Variants in RORA observed in about 807,000 individuals in gnomAD.
RORA encodes RAR related orphan receptor A, also known as nuclear receptor ROR-alpha.
In RORA, 7 loss-of-function variants were observed where a neutral mutation model predicts 69.5. The observed-to-expected ratio is 0.10, with a 90% CI of 0.06 to 0.19. RORA has a LOEUF of 0.19. Ranked by LOEUF, RORA falls within the 10% of genes least tolerant of loss-of-function variation. The pLI, the probability that RORA is intolerant of heterozygous loss-of-function variation, is 1.00. For synonymous variants in RORA, 261 were observed against 240.8 expected, an observed-to-expected ratio of 1.08 and a Z score of -0.78; for missense variants, 457 against 663.0, an observed-to-expected ratio of 0.69 and a Z score of 3.41.
At chr15:60,865,949 T>A (rs7179449) in intron 1 of RORA, among the ~76,000 whole-genome samples, 138,926 of 152,164 alleles carry the variant, frequency 0.91, 64,144 homozygotes, top group East Asian at 1. Context: ...ACTTATCTTC[T>A]TTTATTTATA....
At chr15:60,786,592 C>T (rs1436417408) in intron 1 of RORA, among the ~76,000 whole-genome samples, 1 of 152,192 alleles carries the variant, frequency 6.6e-6, no homozygotes, top group African/African-American at 2.4e-5. Flanking sequence ...CCAGGGTTGA[C>T]AGTGGATCAC....
intron 2 of RORA, among the ~76,000 whole-genome samples, chr15:60,624,513 GTATA>G (rs60245502): frequency 5.5e-5 from 6 of 110,040 alleles, no homozygotes; most frequent in Non-Finnish European, 7.3e-5. Flanking sequence ...GTATGTGTGT[GTATA>G]TATATATATA....
chr15:61,157,685 C>G (rs576104012), intron 1 of RORA, among the ~76,000 whole-genome samples: 3 of 152,166 alleles, frequency 2.0e-5, no homozygotes, highest in Non-Finnish European at 2.9e-5. Flanking sequence ...TTAAGCAGCT[C>G]TCTCCCATTA....
chr15:61,056,881 G>A (rs1056125817), intron 1 of RORA, among the ~76,000 whole-genome samples: 1 of 152,218 alleles, frequency 6.6e-6, no homozygotes, highest in African/African-American at 2.4e-5. Context: ...GCTTCTCACA[G>A]TATTTGGCCT....
intron 1 of RORA, among the ~76,000 whole-genome samples, chr15:61,205,962 T>C (rs2079937396): frequency 6.6e-6 from 1 of 152,212 alleles, no homozygotes; most frequent in African/African-American, 2.4e-5. Flanking sequence ...TCAGCAACTC[T>C]TCTAGGCCTC....
In RORA at chr15:60,904,064, T is replaced by C. The variant is rs75576282; in HGVS notation, c.167-225378A>G. 9.7e-3 allele frequency among the ~76,000 whole-genome samples: 1,476 copies of C among 152,040 alleles called. 19 individuals carry two copies. The highest frequency in any genetic ancestry group is 0.033 in the African/African-American group (1,382 of 41,296). On this transcript the variant is annotated intron_variant, in intron 1 of 10. Transcript: ENST00000335670. Reference sequence around the variant, plus strand: ...CAGCATTTGTTTTGCCCTTGAGGAATTTGCAGAGCAGTTAGTAGGTATCGG... The same window carrying C: ...CAGCATTTGTTTTGCCCTTGAGGAACTTGCAGAGCAGTTAGTAGGTATCGG...
At chr15:60,937,697 C>T (rs1056567467) in intron 1 of RORA, among the ~76,000 whole-genome samples, 3 of 152,110 alleles carry the variant, frequency 2.0e-5, no homozygotes, top group Non-Finnish European at 4.4e-5. Context: ...ACCAGAACAC[C>T]TGGTTCACGT....
intron 1 of RORA, among the ~76,000 whole-genome samples, chr15:60,888,384 G>A (rs2073775339): frequency 1.3e-5 from 2 of 152,236 alleles, no homozygotes; most frequent in African/African-American, 2.4e-5. Flanking sequence ...TTCTTTCAGT[G>A]TGGTGAAAAG....
At chr15:61,012,521 C>A (rs2140396567) in intron 1 of RORA, among the ~76,000 whole-genome samples, 1 of 152,312 alleles carries the variant, frequency 6.6e-6, no homozygotes, top group Non-Finnish European at 1.5e-5. Context: ...ATAATTCAAA[C>A]AAAATTCATG....
intron 1 of RORA, among the ~76,000 whole-genome samples, chr15:60,881,138 G>C (rs1211339300): frequency 6.6e-6 from 1 of 152,174 alleles, no homozygotes; most frequent in African/African-American, 2.4e-5. Flanking sequence ...ATGATCTTTG[G>C]ACCCTTGCTG....
intron 1 of RORA, among the ~76,000 whole-genome samples, chr15:60,928,600 C>G (rs887204490): frequency 6.6e-6 from 1 of 152,080 alleles, no homozygotes; most frequent in East Asian, 1.9e-4. Flanking sequence ...TTTTCGTTTT[C>G]TTATACCCCT....
chr15:60,949,229 A>G (rs1183170807), intron 1 of RORA, among the ~76,000 whole-genome samples: 1 of 149,950 alleles, frequency 6.7e-6, no homozygotes, highest in Non-Finnish European at 1.5e-5. Flanking sequence ...AGGCAGCTGA[A>G]CCCCACGTGA....
At chr15:60,745,256 T>A (rs1308376498) in intron 1 of RORA, among the ~76,000 whole-genome samples, 2 of 152,142 alleles carry the variant, frequency 1.3e-5, no homozygotes, top group Non-Finnish European at 2.9e-5. Context: ...CAGAATCTCA[T>A]CCAACCTCAG....
intron 1 of RORA, among the ~76,000 whole-genome samples, chr15:61,215,304 T>A (rs923197147): frequency 1.3e-5 from 2 of 152,172 alleles, no homozygotes; most frequent in African/African-American, 2.4e-5. Flanking sequence ...TGTGCCTCTA[T>A]CTTTCTGCTG....
At chr15:60,875,615 G>T (rs1485372714) in intron 1 of RORA, among the ~76,000 whole-genome samples, 1 of 152,174 alleles carries the variant, frequency 6.6e-6, no homozygotes. Context: ...TGTGCTGTAT[G>T]GAGAGGCACT....
At chr15:61,059,744 C>T (rs901645632) in intron 1 of RORA, among the ~76,000 whole-genome samples, 7 of 151,904 alleles carry the variant, frequency 4.6e-5, no homozygotes, top group Non-Finnish European at 1.0e-4. Flanking sequence ...GGGAAAAGGA[C>T]AGATGGTATC....
At chr15:60,498,805 A>G (rs1745379821) in intron 10 of RORA, among the ~76,000 whole-genome samples, 1 of 152,112 alleles carries the variant, frequency 6.6e-6, no homozygotes, top group Non-Finnish European at 1.5e-5. Flanking sequence ...TCAAAAAGCA[A>G]AACAGCAATT....
intron 1 of RORA, among the ~76,000 whole-genome samples, chr15:60,864,480 C>T (rs932423693): frequency 1.6e-5 from 2 of 122,830 alleles, no homozygotes; most frequent in Admixed American, 1.7e-4. Context: ...ATGTTACCAT[C>T]CTTGTTTTTT....
chr15:60,495,501 A>ACAAGT lies in RORA; in HGVS notation c.*1949_*1953dup, dbSNP rs2065145323. ...TCCCCTTTTCCAAGTCCCTCAAGAA[A>ACAAGT]CAAGTCAGAAAAGTCAGTGGAGTTA... On this transcript the variant is annotated 3_prime_UTR_variant, in exon 11 of 11. Coordinates refer to ENST00000335670, the MANE Select transcript of RORA (RefSeq NM_134261.3). 1 of 152,356 alleles carries ACAAGT rather than the reference A, an allele frequency of 6.6e-6. No individual in the cohort carries two copies. Among genetic ancestry groups the ACAAGT allele is most frequent in the East Asian group, 1.9e-4 (1 of 5,188 alleles). 9.4% of individuals were successfully genotyped at this position (152,356 alleles called of 1,614,324 possible).
Sources: allele counts gnomAD v4.1 joint callset (sites outside exome capture counted in the v4.1 genomes callset), GRCh38; gene constraint gnomAD v4.1.1; transcripts MANE v1.5; gene names NCBI Gene and HGNC (gene_info 2026-07-23, HGNC 2026-07-21).